Variants in TBC1D4 observed in about 807,000 individuals in gnomAD.
The protein encoded by TBC1D4 is TBC1 domain family member 4.
TBC1D4 carries 121 observed loss-of-function variants against 142.5 expected under a neutral mutation model. That is an observed-to-expected ratio of 0.85 (90% CI 0.73 to 0.99). TBC1D4 has a LOEUF of 0.99. Among genes scored for constraint, TBC1D4 ranks in the 50% least tolerant of loss-of-function variants. TBC1D4 has a pLI of 0.00. For missense variants in TBC1D4, 1,475 were observed against 1,606.6 expected (o/e 0.92, Z 1.40); for synonymous variants, 630 against 628.2 (o/e 1.00, Z -0.04).
At chr13:75,320,062 T>A (rs770863448) in intron 11 of TBC1D4, 25 bp from the exon 12 acceptor site, 40 of 1,612,860 alleles carry the variant, frequency 2.5e-5, no homozygotes, top group Non-Finnish European at 3.2e-5. Context: ...AAACAAGGAA[T>A]GGAATTAGCA....
intron 1 of TBC1D4, among the ~76,000 whole-genome samples, chr13:75,410,031 T>G (rs2138391875): frequency 6.6e-6 from 1 of 152,336 alleles, no homozygotes; most frequent in Non-Finnish European, 1.5e-5. Flanking sequence ...AATTTGCCAC[T>G]TACCTTAAAA....
At chr13:75,388,121 C>T (rs1354622526) in intron 1 of TBC1D4, among the ~76,000 whole-genome samples, 1 of 152,208 alleles carries the variant, frequency 6.6e-6, no homozygotes, top group Non-Finnish European at 1.5e-5. Flanking sequence ...CTCCTCACAT[C>T]ACATCTCTCT....
intron 5 of TBC1D4, among the ~76,000 whole-genome samples, chr13:75,347,302 A>T (rs1881225794): frequency 6.6e-6 from 1 of 152,162 alleles, no homozygotes; most frequent in African/African-American, 2.4e-5. Context: ...CTTTTCTGAG[A>T]AGTATTTTTC....
intron 12 of TBC1D4, among the ~76,000 whole-genome samples, chr13:75,313,109 A>C (rs140300778): frequency 1.3e-5 from 2 of 152,302 alleles, no homozygotes; most frequent in Non-Finnish European, 2.9e-5. Context: ...AGTCAAGAGA[A>C]GCTCCCCTGT....
intron 1 of TBC1D4, among the ~76,000 whole-genome samples, chr13:75,397,117 T>C (rs1884837025): frequency 6.6e-6 from 1 of 151,806 alleles, no homozygotes; most frequent in Non-Finnish European, 1.5e-5. Context: ...GTTAGAAGAA[T>C]TTAAGGGTCT....
Position 75,315,429 on chromosome 13 carries a change from T to TATATATATATATACAC in TBC1D4, c.2223-2532_2223-2531insGTGTATATATATATAT, listed in dbSNP as rs140234119. Among the ~76,000 whole-genome samples, 155 of 146,266 alleles carry TATATATATATATACAC rather than the reference T, an allele frequency of 1.1e-3. No homozygotes were observed. The East Asian group carries it at 0.015, about 14-fold the overall frequency. On this transcript the variant is annotated intron_variant, in intron 12 of 20. Transcript: ENST00000377636. ...ATATATATATATATACACACACATA[T>TATATATATATATACAC]ATATATATATATTTGCTTTTACTTG...
intron 1 of TBC1D4, among the ~76,000 whole-genome samples, chr13:75,379,887 C>CTTTTTTT (rs750734086): frequency 1.0e-5 from 1 of 98,606 alleles, no homozygotes; most frequent in African/African-American, 3.5e-5. Context: ...TCATCTGACT[C>CTTTTTTT]TTTTTTTTTT....
chr13:75,430,632 C>G (rs1445177234), intron 1 of TBC1D4, among the ~76,000 whole-genome samples: 1 of 152,198 alleles, frequency 6.6e-6, no homozygotes, highest in South Asian at 2.1e-4. Context: ...CATCGGGGGA[C>G]AGATGGAGAA....
At chr13:75,470,558 A>G (rs918207218) in intron 1 of TBC1D4, among the ~76,000 whole-genome samples, 5 of 152,184 alleles carry the variant, frequency 3.3e-5, no homozygotes, top group Admixed American at 1.3e-4. Context: ...AGAGTAAATA[A>G]ATATAAAGTG....
chr13:75,449,300 A>T (rs1231455637), intron 1 of TBC1D4, among the ~76,000 whole-genome samples: 1 of 152,018 alleles, frequency 6.6e-6, no homozygotes, highest in Non-Finnish European at 1.5e-5. Context: ...ATATGTGTGT[A>T]TACACACACA....
At chr13:75,452,754 G>A (rs80338380) in intron 1 of TBC1D4, among the ~76,000 whole-genome samples, 2,152 of 152,224 alleles carry the variant, frequency 0.014, 51 homozygotes, top group African/African-American at 0.049. Flanking sequence ...TGAGTGATAC[G>A]GAGGAGTGAA....
intron 1 of TBC1D4, among the ~76,000 whole-genome samples, chr13:75,444,363 G>T (rs1306609031): frequency 2.0e-5 from 3 of 152,116 alleles, no homozygotes; most frequent in Non-Finnish European, 4.4e-5. Context: ...CCAGCTTTGA[G>T]CGATCGCCCC....
At chr13:75,330,803 A>G (rs1205461319) in intron 8 of TBC1D4, among the ~76,000 whole-genome samples, 1 of 152,234 alleles carries the variant, frequency 6.6e-6, no homozygotes, top group Non-Finnish European at 1.5e-5. Flanking sequence ...TATAATTGGC[A>G]TCCTTCCAAT....
rs189884938 is a variant in TBC1D4, at chr13:75,318,544, T to C, written c.2222+1470A>G. 2.9e-3 allele frequency among the ~76,000 whole-genome samples: 441 copies of C among 152,336 alleles called. 3 individuals are homozygous for C. Among genetic ancestry groups the C allele is most frequent in the Admixed American group, 5.2e-3 (79 of 15,300 alleles). ...TGCTAAGTAAAACAATTTCATTTCA[T>C]AGAAATGAAACCATATTTTTTCTAC... On this transcript the variant is annotated intron_variant, in intron 12 of 20. Transcript: ENST00000377636.
At chr13:75,433,256 G>A (rs1886662986) in intron 1 of TBC1D4, among the ~76,000 whole-genome samples, 1 of 152,176 alleles carries the variant, frequency 6.6e-6, no homozygotes, top group Admixed American at 6.5e-5. Context: ...GTGGAAAACA[G>A]AGGAAGCTGC....
chr13:75,421,006 G>A (rs1886144022), intron 1 of TBC1D4, among the ~76,000 whole-genome samples: 1 of 152,182 alleles, frequency 6.6e-6, no homozygotes, highest in Non-Finnish European at 1.5e-5. Context: ...GTCAAAAGCA[G>A]AGACGAATAA....
chr13:75,346,800 T>C (rs955246848), intron 5 of TBC1D4, among the ~76,000 whole-genome samples: 3 of 152,194 alleles, frequency 2.0e-5, no homozygotes, highest in Non-Finnish European at 2.9e-5. Flanking sequence ...TATGTACTTT[T>C]CCATATATAT....
chr13:75,361,702 A>G (rs1295994533), intron 2 of TBC1D4, among the ~76,000 whole-genome samples: 2 of 151,934 alleles, frequency 1.3e-5, no homozygotes, highest in Non-Finnish European at 2.9e-5. Context: ...TTAAGCATTT[A>G]TTTGAGAATC....
At chr13:75,328,221 A>G (rs2138019091) in intron 8 of TBC1D4, among the ~76,000 whole-genome samples, 1 of 152,326 alleles carries the variant, frequency 6.6e-6, no homozygotes, top group South Asian at 2.1e-4. Context: ...AGATCAAAAC[A>G]TCATAATTCA....
Sources: allele counts gnomAD v4.1 joint callset (sites outside exome capture counted in the v4.1 genomes callset), GRCh38; gene constraint gnomAD v4.1.1; transcripts MANE v1.5; gene names NCBI Gene and HGNC (gene_info 2026-07-23, HGNC 2026-07-21).